The following ADAMTS20 variants were observed in gnomAD, a reference collection of about 807,000 sequenced individuals.
ADAMTS20 encodes ADAM metallopeptidase with thrombospondin type 1 motif 20, also known as A disintegrin and metalloproteinase with thrombospondin motifs 20.
Under a neutral mutation model 260.1 loss-of-function variants are expected in ADAMTS20, and 225 were observed. That is an observed-to-expected ratio of 0.87 (90% CI 0.78 to 0.97). ADAMTS20 has a LOEUF of 0.97. ADAMTS20 is among the 50% of genes least tolerant of loss of function. The pLI is 0.00. For synonymous variants in ADAMTS20, 802 were observed against 769.5 expected (o/e 1.04, Z -0.70); for missense variants, 2,400 against 2,337.7 (o/e 1.03, Z -0.55).
intron 28 of ADAMTS20, among the ~76,000 whole-genome samples, chr12:43,410,201 T>C (rs1003227939): frequency 6.6e-6 from 1 of 151,916 alleles, no homozygotes; most frequent in African/African-American, 2.4e-5. Context: ...TAAGAAAAAG[T>C]TATCAAAACC....
chr12:43,358,115 A>G (rs1351492689), intron 37 of ADAMTS20, among the ~76,000 whole-genome samples: 2 of 152,214 alleles, frequency 1.3e-5, no homozygotes, highest in Non-Finnish European at 2.9e-5. Context: ...TGAGTGCTCA[A>G]TTGGGCCATG....
chr12:43,366,868 C>G (rs1266370125), intron 37 of ADAMTS20, among the ~76,000 whole-genome samples: 1 of 151,884 alleles, frequency 6.6e-6, no homozygotes, highest in Non-Finnish European at 1.5e-5. Flanking sequence ...CAATAATCTA[C>G]CCTTCTACCT....
intron 15 of ADAMTS20, among the ~76,000 whole-genome samples, chr12:43,444,416 T>G (rs1345073814): frequency 6.6e-6 from 1 of 152,112 alleles, no homozygotes; most frequent in Non-Finnish European, 1.5e-5. Flanking sequence ...TAGTTTGTAG[T>G]ATAAGCAGGA....
chr12:43,442,095 T>C (rs1941676995), intron 16 of ADAMTS20, among the ~76,000 whole-genome samples: 1 of 152,204 alleles, frequency 6.6e-6, no homozygotes, highest in Admixed American at 6.5e-5. Context: ...AAAAAAAGTC[T>C]ACAAATTTCA....
intron 37 of ADAMTS20, among the ~76,000 whole-genome samples, chr12:43,365,056 A>G (rs552169266): frequency 1.3e-5 from 2 of 152,120 alleles, no homozygotes. Context: ...TAAGATAAAC[A>G]GCTGACATCT....
At chr12:43,499,727 T>C (rs1228892162) in intron 4 of ADAMTS20, among the ~76,000 whole-genome samples, 1 of 151,988 alleles carries the variant, frequency 6.6e-6, no homozygotes, top group Admixed American at 6.5e-5. Context: ...ATGGTCTCTA[T>C]CTCTTGACCT....
intron 3 of ADAMTS20, among the ~76,000 whole-genome samples, chr12:43,503,540 T>A (rs1942798409): frequency 6.6e-6 from 1 of 152,052 alleles, no homozygotes; most frequent in Non-Finnish European, 1.5e-5. Flanking sequence ...ATATAAAAAA[T>A]TTTATTCGTC....
At chr12:43,381,744 G>A (rs538074809) in intron 31 of ADAMTS20, among the ~76,000 whole-genome samples, 52 of 119,224 alleles carry the variant, frequency 4.4e-4, no homozygotes, top group African/African-American at 1.1e-3. Context: ...TTATACCACC[G>A]CACTCCAGCT....
intron 14 of ADAMTS20, among the ~76,000 whole-genome samples, chr12:43,448,723 A>C (rs1175795067): frequency 6.6e-6 from 1 of 152,134 alleles, no homozygotes; most frequent in Non-Finnish European, 1.5e-5. Flanking sequence ...GGGGGAAAAT[A>C]TCTGCAAACT....
intron 28 of ADAMTS20, among the ~76,000 whole-genome samples, chr12:43,410,777 G>C (rs1377402090): frequency 6.6e-6 from 1 of 152,220 alleles, no homozygotes; most frequent in Admixed American, 6.5e-5. Context: ...TTGCCCTATA[G>C]AGGAGGAATT....
intron 7 of ADAMTS20, among the ~76,000 whole-genome samples, chr12:43,471,053 T>A (rs1338836631): frequency 2.6e-5 from 4 of 152,110 alleles, no homozygotes; most frequent in South Asian, 2.1e-4. Context: ...ACGGGTGATT[T>A]CTGCATTTCC....
chr12:43,458,454 A>G (rs1451432218), intron 11 of ADAMTS20, among the ~76,000 whole-genome samples: 1 of 152,206 alleles, frequency 6.6e-6, no homozygotes, highest in Non-Finnish European at 1.5e-5. Flanking sequence ...CACTCCAGCT[A>G]AAATGTCCTC....
At chr12:43,522,062 T>G (rs1226735476) in intron 3 of ADAMTS20, among the ~76,000 whole-genome samples, 1 of 152,222 alleles carries the variant, frequency 6.6e-6, no homozygotes, top group Admixed American at 6.5e-5. Context: ...GTTCTCACGC[T>G]GCTATGAAGA....
chr12:43,436,202 T>C (rs1362170749), intron 18 of ADAMTS20, among the ~76,000 whole-genome samples: 1 of 151,946 alleles, frequency 6.6e-6, no homozygotes, highest in Non-Finnish European at 1.5e-5. Context: ...GGAAAGTAAA[T>C]AAGCAACAAA....
intron 16 of ADAMTS20, among the ~76,000 whole-genome samples, chr12:43,440,538 A>G (rs188208574): frequency 1.3e-5 from 2 of 152,342 alleles, no homozygotes; most frequent in Admixed American, 1.3e-4. Flanking sequence ...TTTTACTGTA[A>G]TGTGGGATTT....
chr12:43,380,594 C>A (rs1940328521), intron 31 of ADAMTS20, among the ~76,000 whole-genome samples: 1 of 152,046 alleles, frequency 6.6e-6, no homozygotes, highest in African/African-American at 2.4e-5. Flanking sequence ...ACACAAAAAA[C>A]AATTCTATTT....
At chr12:43,459,238 T>C (rs185160857) in intron 11 of ADAMTS20, among the ~76,000 whole-genome samples, 2 of 152,300 alleles carry the variant, frequency 1.3e-5, no homozygotes, top group East Asian at 3.9e-4. Context: ...CAACAGGGTG[T>C]CTGCTGTGCT....
At chr12:43,498,825 C>G (rs184335465) in intron 4 of ADAMTS20, among the ~76,000 whole-genome samples, 53 of 152,270 alleles carry the variant, frequency 3.5e-4, no homozygotes, top group African/African-American at 1.2e-3. Flanking sequence ...GACTCAATAC[C>G]AAAACTGATC....
chr12:43,403,940 C>T (rs535949831), intron 28 of ADAMTS20, among the ~76,000 whole-genome samples: 1 of 152,228 alleles, frequency 6.6e-6, no homozygotes, highest in South Asian at 2.1e-4. Context: ...CCCACCCCAA[C>T]ACGTTCACCC....
Sources: gnomAD v4.1 joint callset for allele counts (sites outside exome capture counted in the v4.1 genomes callset) on GRCh38, gnomAD v4.1.1 for gene constraint, MANE v1.5 for transcripts, NCBI Gene and HGNC (gene_info 2026-07-23, HGNC 2026-07-21) for gene names.